ERBB4: variants seen among roughly 807,000 people sequenced by gnomAD.
The protein encoded by ERBB4 is receptor tyrosine-protein kinase erbB-4.
A neutral mutation model predicts 158.0 loss-of-function variants in ERBB4; 42 were observed. That is an observed-to-expected ratio of 0.27 (90% confidence interval 0.21 to 0.34). The LOEUF is 0.34. Among genes scored for constraint, ERBB4 ranks in the 10% least tolerant of loss-of-function variants. The pLI is 1.00. For synonymous variants in ERBB4, 583 were observed against 558.7 expected (o/e 1.04, Z -0.61); for missense variants, 1,333 against 1,624.1 (o/e 0.82, Z 3.08).
At chr2:212,140,683 G>T (rs1351059794) in intron 1 of ERBB4, among the ~76,000 whole-genome samples, 2 of 150,598 alleles carry the variant, frequency 1.3e-5, no homozygotes, top group South Asian at 2.1e-4. Context: ...ATTTATTTTT[G>T]ATGTAAACAG....
intron 3 of ERBB4, among the ~76,000 whole-genome samples, chr2:211,830,141 T>C (rs1209826789): frequency 6.6e-6 from 1 of 152,192 alleles, no homozygotes; most frequent in Non-Finnish European, 1.5e-5. Flanking sequence ...CCCACAACTC[T>C]TTCTTGGGGA....
intron 20 of ERBB4, among the ~76,000 whole-genome samples, chr2:211,470,437 C>G (rs892994636): frequency 1.3e-5 from 2 of 152,004 alleles, no homozygotes; most frequent in African/African-American, 2.4e-5. Flanking sequence ...AATATTAAAG[C>G]AGATATCATG....
At chr2:211,580,835 GAT>G (rs2068062631) in intron 19 of ERBB4, among the ~76,000 whole-genome samples, 3 of 67,628 alleles carry the variant, frequency 4.4e-5, no homozygotes, top group African/African-American at 1.9e-4. Context: ...TATATATATA[GAT>G]TATATATTAT....
chr2:212,014,984 A>C (rs193185449), intron 2 of ERBB4, among the ~76,000 whole-genome samples: 1 of 144,146 alleles, frequency 6.9e-6, no homozygotes, highest in African/African-American at 2.6e-5. Context: ...CGAGGTAAGG[A>C]GAACAAGACC....
chr2:211,624,262 C>G (rs1182485148), intron 17 of ERBB4, among the ~76,000 whole-genome samples: 3 of 152,140 alleles, frequency 2.0e-5, no homozygotes, highest in African/African-American at 7.2e-5. Flanking sequence ...TTCTCCTGCT[C>G]TTTGTCAGGG....
At chr2:211,629,824 T>A (rs1574888546) in intron 17 of ERBB4, among the ~76,000 whole-genome samples, 1 of 152,144 alleles carries the variant, frequency 6.6e-6, no homozygotes, top group Non-Finnish European at 1.5e-5. Context: ...TAAATGGTGC[T>A]GGGAAAACTG....
At chr2:211,900,691 C>G (rs1408431302) in intron 3 of ERBB4, among the ~76,000 whole-genome samples, 1 of 152,104 alleles carries the variant, frequency 6.6e-6, no homozygotes, top group Non-Finnish European at 1.5e-5. Context: ...TACTAAGGCT[C>G]TATACAGGAC....
intron 1 of ERBB4, among the ~76,000 whole-genome samples, chr2:212,474,812 C>T (rs1330699703): frequency 9.2e-6 from 1 of 109,130 alleles, no homozygotes; most frequent in Non-Finnish European, 1.9e-5. Context: ...TTTCCTGACA[C>T]CCGGCCATTC....
chr2:212,101,345 C>CTATACACATATATATATA (rs2079074953), intron 2 of ERBB4, among the ~76,000 whole-genome samples: 1 of 98,182 alleles, frequency 1.0e-5, no homozygotes, highest in African/African-American at 2.9e-5. Context: ...CACACACACC[C>CTATACACATATATATATA]TATACATATA....
At chr2:211,471,086 A>G (rs2064816639) in intron 20 of ERBB4, among the ~76,000 whole-genome samples, 1 of 152,146 alleles carries the variant, frequency 6.6e-6, no homozygotes, top group African/African-American at 2.4e-5. Flanking sequence ...CCATTATAAC[A>G]TGAGAATCCC....
chr2:211,474,753 T>C (rs1559204691), intron 20 of ERBB4, among the ~76,000 whole-genome samples: 1 of 152,068 alleles, frequency 6.6e-6, no homozygotes, highest in Admixed American at 6.6e-5. Context: ...AGGTAGGTTA[T>C]AGGTAAAGCT....
chr2:212,398,779 T>A (rs950804536), intron 1 of ERBB4, among the ~76,000 whole-genome samples: 1 of 151,092 alleles, frequency 6.6e-6, no homozygotes, highest in Non-Finnish European at 1.5e-5. Context: ...AATCTCATCT[T>A]AAAAAAAAAG....
intron 2 of ERBB4, among the ~76,000 whole-genome samples, chr2:212,053,594 C>T (rs772727422): frequency 1.2e-3 from 178 of 152,296 alleles, no homozygotes; most frequent in Non-Finnish European, 4.3e-4. Context: ...CAGTTTAACA[C>T]CCTTCAAATA....
chr2:211,618,147 G>A (rs775014520), intron 19 of ERBB4, among the ~76,000 whole-genome samples: 5 of 151,840 alleles, frequency 3.3e-5, no homozygotes, highest in Admixed American at 1.3e-4. Flanking sequence ...TAAATGTCAA[G>A]GGGTAATTAC....
intron 1 of ERBB4, among the ~76,000 whole-genome samples, chr2:212,369,720 G>A (rs1235279661): frequency 6.6e-6 from 1 of 151,856 alleles, no homozygotes; most frequent in Non-Finnish European, 1.5e-5. Flanking sequence ...GTGGGAACAG[G>A]GTCTCACTCT....
At chr2:212,458,740 A>G (rs1688427452) in intron 1 of ERBB4, among the ~76,000 whole-genome samples, 2 of 152,174 alleles carry the variant, frequency 1.3e-5, no homozygotes, top group Admixed American at 1.3e-4. Flanking sequence ...TACTGTGGGC[A>G]ACAAATAAGG....
At chr2:212,028,148 G>C (rs539246004) in intron 2 of ERBB4, among the ~76,000 whole-genome samples, 1 of 152,100 alleles carries the variant, frequency 6.6e-6, no homozygotes, top group East Asian at 1.9e-4. Context: ...CAGGCTTCAA[G>C]TTGTGTGTGT....
intron 3 of ERBB4, among the ~76,000 whole-genome samples, chr2:211,864,106 C>A (rs1259515750): frequency 6.6e-6 from 1 of 152,316 alleles, no homozygotes; most frequent in South Asian, 2.1e-4. Flanking sequence ...TCTCATCACC[C>A]AGTCTTGAAA....
chr2:212,408,279 C>G (rs960043903), intron 1 of ERBB4, among the ~76,000 whole-genome samples: 3 of 151,670 alleles, frequency 2.0e-5, no homozygotes, highest in East Asian at 1.9e-4. Flanking sequence ...GTGTGTTGTT[C>G]CCCTCCCTGT....
Sources: gnomAD v4.1 joint callset for allele counts (sites outside exome capture counted in the v4.1 genomes callset) on GRCh38, gnomAD v4.1.1 for gene constraint, MANE v1.5 for transcripts, NCBI Gene and HGNC (gene_info 2026-07-23, HGNC 2026-07-21) for gene names.